The following PDZRN4 variants were observed in gnomAD, a reference collection of about 807,000 sequenced individuals.
The protein encoded by PDZRN4 is PDZ domain containing ring finger 4.
PDZRN4 carries 70 observed loss-of-function variants against 99.0 expected under a neutral mutation model. The observed-to-expected ratio is 0.71, with a 90% CI of 0.58 to 0.86. The LOEUF (loss-of-function observed/expected upper bound fraction) is 0.86, where lower values mean the gene tolerates loss of function less well. PDZRN4 is among the 40% of genes least tolerant of loss of function. The probability of loss-of-function intolerance (pLI) is 0.00; values close to 1 mark genes in which losing one functional copy is unlikely to be tolerated. For missense variants in PDZRN4, 1,474 were observed against 1,331.2 expected (o/e 1.11, Z -1.67); for synonymous variants, 551 against 501.6 (o/e 1.10, Z -1.32).
At chr12:41,545,073 C>G (rs1938922958) in intron 5 of PDZRN4, among the ~76,000 whole-genome samples, 1 of 152,230 alleles carries the variant, frequency 6.6e-6, no homozygotes, top group Admixed American at 6.5e-5. Context: ...CTCCAACTCA[C>G]CCACTATGCT....
intron 3 of PDZRN4, among the ~76,000 whole-genome samples, chr12:41,283,145 G>T (rs1951400391): frequency 6.6e-6 from 1 of 151,376 alleles, no homozygotes; most frequent in Admixed American, 6.6e-5. Flanking sequence ...AAAGAGAGAA[G>T]AATCAAATAG....
chr12:41,432,928 T>C (rs1382037432), intron 3 of PDZRN4, among the ~76,000 whole-genome samples: 1 of 152,178 alleles, frequency 6.6e-6, no homozygotes, highest in Admixed American at 6.5e-5. Context: ...GACCGGTTTG[T>C]GCAGAACTAA....
chr12:41,209,041 G>A (rs1201692121), intron 3 of PDZRN4, among the ~76,000 whole-genome samples: 1 of 151,942 alleles, frequency 6.6e-6, no homozygotes, highest in Non-Finnish European at 1.5e-5. Context: ...GTGTATGCAT[G>A]CATGTGTGTT....
At chr12:41,520,168 CTT>C (rs967954800) in intron 5 of PDZRN4, among the ~76,000 whole-genome samples, 15 of 152,074 alleles carry the variant, frequency 9.9e-5, no homozygotes, top group Admixed American at 3.3e-4. Context: ...TTTTTTAACT[CTT>C]AAATATTTGA....
intron 3 of PDZRN4, among the ~76,000 whole-genome samples, chr12:41,354,799 C>A (rs1200349216): frequency 6.6e-6 from 1 of 152,018 alleles, no homozygotes; most frequent in Non-Finnish European, 1.5e-5. Context: ...TGGTATGGCT[C>A]ATACAGGACA....
At chr12:41,240,450 C>T (rs559342124) in intron 3 of PDZRN4, among the ~76,000 whole-genome samples, 1 of 152,266 alleles carries the variant, frequency 6.6e-6, no homozygotes, top group South Asian at 2.1e-4. Flanking sequence ...CTAGAAGTAG[C>T]TGAAGAGGCA....
chr12:41,493,337 C>A (rs912513500), intron 3 of PDZRN4, among the ~76,000 whole-genome samples: 1 of 152,112 alleles, frequency 6.6e-6, no homozygotes, highest in African/African-American at 2.4e-5. Context: ...CAAAAGCATA[C>A]AGATGTTAAT....
chr12:41,423,948 G>A (rs1329078212), intron 3 of PDZRN4, among the ~76,000 whole-genome samples: 1 of 152,144 alleles, frequency 6.6e-6, no homozygotes, highest in Admixed American at 6.6e-5. Flanking sequence ...TGGTCTTGTA[G>A]TTCACGTTGT....
Position 41,360,939 on chromosome 12 carries a change from A to AGTGT in PDZRN4, c.844-145482_844-145479dup, listed in dbSNP as rs10522706. ...ATTTATCATTCCAAAGAATAAGTAA[A>AGTGT]GTGTGTGTGTGTGTGTGTGTGTGTG... On this transcript the variant is annotated intron_variant, in intron 3 of 9. Transcript: ENST00000402685. Among the ~76,000 whole-genome samples the AGTGT allele has an allele frequency of 3.9e-3, 581 of 150,478 alleles. 3 individuals carry two copies. Among genetic ancestry groups the AGTGT allele is most frequent in the African/African-American group, 7.3e-3 (298 of 40,860 alleles).
chr12:41,506,213 G>T (rs1353079753), intron 3 of PDZRN4, among the ~76,000 whole-genome samples: 1 of 152,062 alleles, frequency 6.6e-6, no homozygotes, highest in South Asian at 2.1e-4. Context: ...TAATAGTTCT[G>T]CTGTTTTACT....
intron 7 of PDZRN4, among the ~76,000 whole-genome samples, chr12:41,558,743 G>A (rs149370058): frequency 6.6e-6 from 1 of 152,158 alleles, no homozygotes; most frequent in Non-Finnish European, 1.5e-5. Context: ...TGACAAATAT[G>A]TCACACTTAA....
At chr12:41,396,762 A>C (rs185313527) in intron 3 of PDZRN4, among the ~76,000 whole-genome samples, 8 of 152,290 alleles carry the variant, frequency 5.3e-5, no homozygotes, top group Admixed American at 5.2e-4. Context: ...TATATTCTTT[A>C]ACTAGAAGAT....
intron 3 of PDZRN4, among the ~76,000 whole-genome samples, chr12:41,430,918 G>A (rs947665141): frequency 2.0e-5 from 3 of 152,150 alleles, no homozygotes; most frequent in Non-Finnish European, 4.4e-5. Flanking sequence ...GAAAGCAAAG[G>A]GGGAAAGAGG....
chr12:41,413,378 CAG>C (rs1351015465), intron 3 of PDZRN4, among the ~76,000 whole-genome samples: 1 of 151,960 alleles, frequency 6.6e-6, no homozygotes, highest in Non-Finnish European at 1.5e-5. Flanking sequence ...CAGGGAGAAA[CAG>C]GGGATAGGGA....
chr12:41,397,783 T>A (rs969488362), intron 3 of PDZRN4, among the ~76,000 whole-genome samples: 1 of 152,166 alleles, frequency 6.6e-6, no homozygotes, highest in African/African-American at 2.4e-5. Flanking sequence ...GAACTAATAA[T>A]ACTTTTATTA....
At chr12:41,349,001 G>T (rs1440481623) in intron 3 of PDZRN4, among the ~76,000 whole-genome samples, 1 of 151,464 alleles carries the variant, frequency 6.6e-6, no homozygotes, top group Non-Finnish European at 1.5e-5. Flanking sequence ...TTTTCTCTTT[G>T]GTAACATGTA....
intron 3 of PDZRN4, among the ~76,000 whole-genome samples, chr12:41,254,512 T>C (rs1951191261): frequency 6.6e-6 from 1 of 152,166 alleles, no homozygotes; most frequent in Non-Finnish European, 1.5e-5. Flanking sequence ...TTTAGTGTTG[T>C]TTGAATAAGA....
At chr12:41,457,379 A>G (rs1418419170) in intron 3 of PDZRN4, among the ~76,000 whole-genome samples, 4 of 152,214 alleles carry the variant, frequency 2.6e-5, no homozygotes, top group Admixed American at 1.3e-4. Context: ...TGGGATGGGA[A>G]TGTAATGAAT....
intron 3 of PDZRN4, among the ~76,000 whole-genome samples, chr12:41,272,099 A>C (rs1457661611): frequency 6.6e-6 from 1 of 151,986 alleles, no homozygotes; most frequent in Non-Finnish European, 1.5e-5. Context: ...AAAAAATTTA[A>C]CTTGTTTCCT....
Sources: gnomAD v4.1 joint callset for allele counts (sites outside exome capture counted in the v4.1 genomes callset) on GRCh38, gnomAD v4.1.1 for gene constraint, MANE v1.5 for transcripts, NCBI Gene and HGNC (gene_info 2026-07-23, HGNC 2026-07-21) for gene names.